The following GAB1 variants were observed in gnomAD, a reference collection of about 807,000 sequenced individuals.
GAB1 encodes the protein GRB2 associated binding protein 1.
GAB1 carries 19 observed loss-of-function variants against 66.5 expected under a neutral mutation model. The ratio of observed to expected loss-of-function variants is 0.29; its 90% CI spans 0.20 to 0.42. GAB1 has a LOEUF of 0.42. GAB1 is among the 10% of genes least tolerant of loss of function. GAB1 has a pLI of 1.00. For missense variants in GAB1, 732 were observed against 858.5 expected (o/e 0.85, Z 1.84); for synonymous variants, 294 against 301.4 (o/e 0.98, Z 0.25).
intron 3 of GAB1, among the ~76,000 whole-genome samples, chr4:143,437,033 T>C (rs901475719): frequency 1.3e-5 from 2 of 152,030 alleles, no homozygotes; most frequent in African/African-American, 4.8e-5. Context: ...CTTTTTAAGA[T>C]GGAGAAAACA....
chr4:143,415,918 C>CCTTTAATTAGT (rs1276516921), intron 2 of GAB1, 147 bp downstream of exon 2: 1 of 670,694 alleles, frequency 1.5e-6, no homozygotes, highest in African/African-American at 1.9e-5. Flanking sequence ...AGCACTGAAT[C>CCTTTAATTAGT]CTTTAATTAG....
At chr4:143,374,329 T>G (rs1460739728) in intron 1 of GAB1, among the ~76,000 whole-genome samples, 3 of 152,120 alleles carry the variant, frequency 2.0e-5, no homozygotes, top group Non-Finnish European at 4.4e-5. Flanking sequence ...ACCAGAAATG[T>G]GCCTGTGCCG....
intron 1 of GAB1, among the ~76,000 whole-genome samples, chr4:143,383,384 C>T (rs1410549045): frequency 1.3e-5 from 2 of 152,104 alleles, no homozygotes; most frequent in Admixed American, 6.6e-5. Flanking sequence ...CTTATAGAAC[C>T]CAATGAAAGG....
chr4:143,360,537 C>CA (rs1729621716), intron 1 of GAB1, among the ~76,000 whole-genome samples: 1 of 151,890 alleles, frequency 6.6e-6, no homozygotes, highest in Admixed American at 6.6e-5. Flanking sequence ...TTGGACACTA[C>CA]AAAAATAGAA....
At position 143,440,291 on chromosome 4, in the gene GAB1, G is replaced by A. The variant is rs545949059; in HGVS notation, c.1494G>A (p.Arg498=). Residue 498 remains arginine (R), a synonymous_variant, in exon 6 of 10, where the codon AGG becomes AGA. Transcript: ENST00000262994. ...CTCCTCCTGCTCATATGGGCTTCAG[G>A]TCCAGCCCAAAAACCCCTCCCAGAA... ...QVPPPAHMGF[R]SSPKTPPRRP... The A allele has an allele frequency of 1.2e-6, 2 of 1,614,030 alleles. No individual in the cohort carries two copies. Among genetic ancestry groups the A allele is most frequent in the South Asian group, 2.2e-5 (2 of 91,082 alleles).
At chr4:143,378,629 GTCTCTCTCTCTCTCTCTCTC>G (rs3049720) in intron 1 of GAB1, among the ~76,000 whole-genome samples, 16 of 129,240 alleles carry the variant, frequency 1.2e-4, no homozygotes, top group East Asian at 2.3e-4. Flanking sequence ...CTTCCAAAGT[GTCTCTCTCTCTCTCTCTCTC>G]TCTCTCTCTC....
intron 8 of GAB1, 89 bp from the exon 9 acceptor site, chr4:143,466,014 A>T: frequency 2.1e-6 from 3 of 1,433,284 alleles, no homozygotes; most frequent in Non-Finnish European, 2.8e-6. Flanking sequence ...TCTTGAAAGC[A>T]AATATTTAGG....
chr4:143,464,776 A>T (rs1735693307), intron 8 of GAB1, among the ~76,000 whole-genome samples: 1 of 152,196 alleles, frequency 6.6e-6, no homozygotes, highest in Non-Finnish European at 1.5e-5. Context: ...GTTCCATACC[A>T]GCTATTAGCA....
At chr4:143,436,677 TG>T (rs1369573237) in intron 3 of GAB1, among the ~76,000 whole-genome samples, 1 of 152,158 alleles carries the variant, frequency 6.6e-6, no homozygotes, top group African/African-American at 2.4e-5. Context: ...GTTTTAAGCC[TG>T]GAGAATCTGG....
chr4:143,406,151 A>T (rs140564601), intron 1 of GAB1, among the ~76,000 whole-genome samples: 110 of 152,288 alleles, frequency 7.2e-4, no homozygotes, highest in African/African-American at 2.3e-3. Flanking sequence ...GAAAACTGGG[A>T]TAGTTGATCA....
intron 1 of GAB1, among the ~76,000 whole-genome samples, chr4:143,340,502 T>G (rs1202550005): frequency 6.6e-6 from 1 of 152,128 alleles, no homozygotes; most frequent in Non-Finnish European, 1.5e-5. Context: ...AAAAATTGTT[T>G]TAGTTTTTTT....
intron 3 of GAB1, among the ~76,000 whole-genome samples, chr4:143,437,478 A>G (rs534363547): frequency 3.9e-5 from 6 of 152,354 alleles, no homozygotes; most frequent in Middle Eastern, 3.4e-3. Context: ...GAAAACAATT[A>G]GATGTTACCT....
intron 1 of GAB1, among the ~76,000 whole-genome samples, chr4:143,394,616 T>C (rs1731349900): frequency 6.6e-6 from 1 of 152,198 alleles, no homozygotes; most frequent in African/African-American, 2.4e-5. Flanking sequence ...CCTTAGCCAC[T>C]TAGTTTCATC....
intron 6 of GAB1, among the ~76,000 whole-genome samples, chr4:143,453,842 C>T (rs1735051062): frequency 6.6e-6 from 1 of 152,106 alleles, no homozygotes; most frequent in African/African-American, 2.4e-5. Context: ...AAGCCCCCAA[C>T]CAGCTTGGTA....
chr4:143,339,636 C>G (rs1210518499), intron 1 of GAB1, among the ~76,000 whole-genome samples: 1 of 152,128 alleles, frequency 6.6e-6, no homozygotes, highest in Non-Finnish European at 1.5e-5. Context: ...AAATGTAAGA[C>G]CTAGTCTTTG....
intron 1 of GAB1, among the ~76,000 whole-genome samples, chr4:143,354,645 T>G (rs908998074): frequency 5.9e-5 from 9 of 152,194 alleles, no homozygotes; most frequent in African/African-American, 2.2e-4. Flanking sequence ...ATATACATAT[T>G]TGACCTTGTA....
intron 1 of GAB1, among the ~76,000 whole-genome samples, chr4:143,346,468 T>A (rs1728995108): frequency 6.6e-6 from 1 of 152,138 alleles, no homozygotes; most frequent in South Asian, 2.1e-4. Context: ...AGAGTTGGAG[T>A]TGCCAAGACT....
chr4:143,439,073 A>G (rs1189075078), intron 4 of GAB1, among the ~76,000 whole-genome samples: 1 of 152,078 alleles, frequency 6.6e-6, no homozygotes, highest in Non-Finnish European at 1.5e-5. Context: ...CAGTCAAGCC[A>G]TTATGCTGTT....
chr4:143,353,682 AAAAG>A (rs1019357610), intron 1 of GAB1, among the ~76,000 whole-genome samples: 1 of 152,060 alleles, frequency 6.6e-6, no homozygotes, highest in Non-Finnish European at 1.5e-5. Context: ...CCAAAAAAAA[AAAAG>A]AGAGAGAGAA....
Sources: gnomAD v4.1 joint callset for allele counts (sites outside exome capture counted in the v4.1 genomes callset) on GRCh38, gnomAD v4.1.1 for gene constraint, MANE v1.5 for transcripts, NCBI Gene and HGNC (gene_info 2026-07-23, HGNC 2026-07-21) for gene names.